The following TRHDE variants were observed in gnomAD, a reference collection of about 807,000 sequenced individuals.
TRHDE encodes thyrotropin releasing hormone degrading enzyme.
Under a neutral mutation model 125.7 loss-of-function variants are expected in TRHDE, and 72 were observed. The observed-to-expected ratio is 0.57, with a 90% confidence interval of 0.47 to 0.70. TRHDE has a LOEUF of 0.70. Among genes scored for constraint, TRHDE ranks in the 30% least tolerant of loss-of-function variants. TRHDE has a pLI of 0.00. For synonymous variants in TRHDE, 509 were observed against 509.1 expected (o/e 1.00, Z 0.00); for missense variants, 1,110 against 1,327.1 (o/e 0.84, Z 2.54).
chr12:72,571,721 A>G (rs1398296790), intron 10 of TRHDE, among the ~76,000 whole-genome samples: 2 of 152,154 alleles, frequency 1.3e-5, no homozygotes, highest in African/African-American at 4.8e-5. Context: ...GAAAGAAAAT[A>G]TTAAAATAGA....
intron 3 of TRHDE, among the ~76,000 whole-genome samples, chr12:72,462,593 A>G (rs1338677710): frequency 1.3e-5 from 2 of 152,204 alleles, no homozygotes; most frequent in East Asian, 3.9e-4. Context: ...AATATTAGCC[A>G]TATGCTTGGT....
chr12:72,446,135 C>A (rs920535603), intron 3 of TRHDE, among the ~76,000 whole-genome samples: 1 of 149,292 alleles, frequency 6.7e-6, no homozygotes, highest in Non-Finnish European at 1.5e-5. Context: ...ATGGGTGGGG[C>A]CCGATTGTGC....
At chr12:72,545,035 C>G (rs1869347948) in intron 7 of TRHDE, among the ~76,000 whole-genome samples, 1 of 151,434 alleles carries the variant, frequency 6.6e-6, no homozygotes, top group African/African-American at 2.4e-5. Flanking sequence ...TTTAGGAGAA[C>G]AATTTCTTAC....
intron 2 of TRHDE, among the ~76,000 whole-genome samples, chr12:72,172,347 C>G (rs188779647): frequency 6.6e-6 from 1 of 152,172 alleles, no homozygotes; most frequent in Admixed American, 6.5e-5. Context: ...AAGCCTTTCA[C>G]AAGTATTATC....
chr12:72,417,448 G>A (rs949697528), intron 3 of TRHDE, among the ~76,000 whole-genome samples: 4 of 151,986 alleles, frequency 2.6e-5, no homozygotes, highest in Non-Finnish European at 4.4e-5. Flanking sequence ...TCTGGGACAA[G>A]CCACAGCATT....
At position 72,439,715 on chromosome 12, in the gene TRHDE, T is replaced by A. The variant is rs144602671; in HGVS notation, c.1316-30043T>A. Among the ~76,000 whole-genome samples the A allele has an allele frequency of 2.1e-3, 325 of 152,080 alleles. 1 individual carries two copies. Among genetic ancestry groups the A allele is most frequent in the African/African-American group, 7.7e-3 (321 of 41,538 alleles). On this transcript the variant is annotated intron_variant, in intron 3 of 18. Transcript: ENST00000261180. ...ACATGAATAATTTGACTTCTTCCTT[T>A]CCTATTTAGATGCATTTTCTTTCTT... is the stretch of plus-strand genomic sequence containing the variant.
chr12:72,145,366 T>C (rs1307620968), intron 2 of TRHDE, among the ~76,000 whole-genome samples: 1 of 152,218 alleles, frequency 6.6e-6, no homozygotes, highest in African/African-American at 2.4e-5. Context: ...TTTAAAATTA[T>C]GTCTTAGATT....
intron 3 of TRHDE, among the ~76,000 whole-genome samples, chr12:72,398,404 G>T (rs968401404): frequency 6.6e-6 from 1 of 152,052 alleles, no homozygotes; most frequent in Non-Finnish European, 1.5e-5. Context: ...CTGAGGAATC[G>T]CCACTTTTTG....
chr12:72,621,745 G>A lies in TRHDE; in HGVS notation c.2669G>A (p.Arg890Lys), dbSNP rs1018592817. Residue 890 changes from arginine to lysine, a missense_variant, in exon 15 of 19, where the codon AGG becomes AAG. By Grantham distance (26) the Arg-to-Lys change is conservative. This residue lies in a region of TRHDE where 527 missense variants were observed against 651.8 expected (regional missense o/e 0.81). Coordinates refer to ENST00000261180, the MANE Select transcript of TRHDE (RefSeq NM_013381.3). ...TLISDWISSN[R>K]NRIPLNVRDI... ...ATTTCAGATTGGATTTCCAGCAACAGGAACAGGTAAACTGAGCCAAATCCT... is the reference window on the plus strand; with the variant it reads ...ATTTCAGATTGGATTTCCAGCAACAAGAACAGGTAAACTGAGCCAAATCCT... The A allele has an allele frequency of 6.2e-7, 1 of 1,601,746 alleles. No individual in the cohort carries two copies. Among genetic ancestry groups the A allele is most frequent in the African/African-American group, 1.4e-5 (1 of 73,616 alleles).
chr12:72,381,169 C>T (rs1226360546), intron 3 of TRHDE, among the ~76,000 whole-genome samples: 1 of 152,082 alleles, frequency 6.6e-6, no homozygotes, highest in Admixed American at 6.6e-5. Flanking sequence ...AACCATCCTA[C>T]AATGCACAGA....
chr12:72,478,678 A>G (rs1372838895), intron 5 of TRHDE, among the ~76,000 whole-genome samples: 1 of 152,076 alleles, frequency 6.6e-6, no homozygotes, highest in African/African-American at 2.4e-5. Context: ...TACAAGGAGG[A>G]TATAAGAGCA....
intron 6 of TRHDE, among the ~76,000 whole-genome samples, chr12:72,527,078 G>A (rs1356953800): frequency 2.0e-5 from 3 of 152,034 alleles, no homozygotes; most frequent in Non-Finnish European, 4.4e-5. Flanking sequence ...CTTATTTAGT[G>A]TTTTATTTTT....
At position 72,504,149 on chromosome 12, in the gene TRHDE, A is replaced by G. The variant is rs558035149; in HGVS notation, c.1722+4514A>G. Among the ~76,000 whole-genome samples, 7 of 152,274 alleles carry G rather than the reference A, an allele frequency of 4.6e-5. No homozygotes were observed. In the East Asian group the frequency reaches 1.4e-3, roughly 29 times the overall value. The stretch of plus-strand genomic sequence containing the variant: ...GGAACTGTAAAAAAACAAGAAAATC[A>G]TTCTTTAGAGGAAGCTCAGAAAAGA... On this transcript the variant is annotated intron_variant, in intron 6 of 18. Coordinates refer to ENST00000261180, the MANE Select transcript of TRHDE (RefSeq NM_013381.3).
intron 2 of TRHDE, among the ~76,000 whole-genome samples, chr12:72,125,639 T>A (rs1212786911): frequency 6.6e-6 from 1 of 152,218 alleles, no homozygotes; most frequent in East Asian, 1.9e-4. Flanking sequence ...TTAAAGTATG[T>A]AGCATTTTTT....
intron 3 of TRHDE, among the ~76,000 whole-genome samples, chr12:72,421,173 G>A (rs1337139831): frequency 6.6e-6 from 1 of 152,006 alleles, no homozygotes; most frequent in Non-Finnish European, 1.5e-5. Flanking sequence ...TTTATGTCTT[G>A]GAAATTTAAT....
chr12:72,357,359 T>C (rs1054340609), intron 2 of TRHDE, among the ~76,000 whole-genome samples: 3 of 151,548 alleles, frequency 2.0e-5, no homozygotes, highest in African/African-American at 7.3e-5. Flanking sequence ...TTGACCTACA[T>C]CTATTCATTT....
At chr12:72,194,902 A>G (rs921700249) in intron 2 of TRHDE, among the ~76,000 whole-genome samples, 3 of 152,156 alleles carry the variant, frequency 2.0e-5, no homozygotes, top group East Asian at 3.9e-4. Context: ...TGGCATTACT[A>G]GGTGTATTAA....
chr12:72,130,778 CTCTT>C, intron 2 of TRHDE, among the ~76,000 whole-genome samples: 1 of 152,218 alleles, frequency 6.6e-6, no homozygotes, highest in Non-Finnish European at 1.5e-5. Flanking sequence ...CTCAAACTCA[CTCTT>C]ACTCAGAAAA....
intron 2 of TRHDE, among the ~76,000 whole-genome samples, chr12:72,298,412 A>G (rs181212192): frequency 1.3e-5 from 2 of 152,330 alleles, no homozygotes; most frequent in East Asian, 3.9e-4. Flanking sequence ...TCTAGAGTAA[A>G]GTAATGGCAT....
Sources: gnomAD v4.1 joint callset for allele counts (sites outside exome capture counted in the v4.1 genomes callset) on GRCh38, gnomAD v4.1.1 for gene constraint, gnomAD v4.1.1 regional missense constraint, MANE v1.5 for transcripts, NCBI Gene and HGNC (gene_info 2026-07-23, HGNC 2026-07-21) for gene names.